The following WDR1 variants were observed in gnomAD, a reference collection of about 807,000 sequenced individuals.
WDR1 encodes WD repeat-containing protein 1.
WDR1 carries 21 observed loss-of-function variants against 71.9 expected under a neutral mutation model. The ratio of observed to expected loss-of-function variants is 0.29; its 90% CI spans 0.21 to 0.42. The LOEUF (loss-of-function observed/expected upper bound fraction) is 0.42, where lower values mean the gene tolerates loss of function less well. WDR1 is among the 10% of genes least tolerant of loss of function. WDR1 has a pLI of 1.00. For synonymous variants in WDR1, 424 were observed against 347.4 expected (o/e 1.22, Z -2.45); for missense variants, 696 against 824.5 (o/e 0.84, Z 1.91).
Position 10,088,346 on chromosome 4 carries a change from C to G in WDR1, c.664G>C (p.Glu222Gln), listed in dbSNP as rs775846868. Residue 222 changes from glutamate to glutamine, a missense_variant, in exon 7 of 15, where the codon GAG (glutamate) becomes CAG (glutamine). By Grantham distance (29) the Glu-to-Gln change is conservative. Transcript: ENST00000499869. ...CTTCCGCCCAGCGCGCACACCTTCT[C>G]CCCAGTCTTCCCGTCATAGATGTAT... ...QIYIYDGKTG[E>Q]KVCALGGSKA... 1 of 1,559,002 alleles carries G rather than the reference C, an allele frequency of 6.4e-7. No individual in the cohort carries two copies. The highest frequency in any genetic ancestry group is 2.4e-5 in the East Asian group (1 of 41,462).
chr4:10,092,899 C>T (rs1712090414), intron 5 of WDR1: 4 of 475,776 alleles, frequency 8.4e-6, no homozygotes, highest in Non-Finnish European at 1.5e-5. Context: ...AGTCCAGCCT[C>T]ATCCCTGGTG....
In WDR1 at chr4:10,088,518, GCT is replaced by G. The variant is rs568506353; in HGVS notation, c.636+144_636+145del. On this transcript the variant is annotated intron_variant, in intron 6 of 14. Coordinates refer to ENST00000499869, the MANE Select transcript of WDR1 (RefSeq NM_017491.5). ...TTAAAAGCAGACATGCATTTACTGG[GCT>G]CTGACGACGAGTCTGCAGATGTGGG... is the stretch of plus-strand genomic sequence containing the variant. The G allele has an allele frequency of 1.0e-3, 1,112 of 1,115,016 alleles. 1 individual carries two copies. Among genetic ancestry groups the G allele is most frequent in the Non-Finnish European group, 1.3e-3 (954 of 749,156 alleles). The allele number at this position is 1,115,016 out of a possible 1,614,324, so 69.1% of individuals were successfully genotyped here.
intron 9 of WDR1, 80 bp from the exon 10 acceptor site, chr4:10,083,258 A>C: frequency 1.4e-6 from 2 of 1,480,764 alleles, no homozygotes; most frequent in Non-Finnish European, 1.8e-6. Context: ...AAGATTCTCC[A>C]TTTACATCAA....
intron 8 of WDR1, among the ~76,000 whole-genome samples, chr4:10,085,724 G>A (rs896831792): frequency 1.3e-5 from 2 of 152,246 alleles, no homozygotes; most frequent in African/African-American, 2.4e-5. Context: ...TGTAAACTTA[G>A]TGCCTCTGGG....
At chr4:10,087,138 T>A (rs1039104170) in intron 8 of WDR1, among the ~76,000 whole-genome samples, 9 of 152,222 alleles carry the variant, frequency 5.9e-5, no homozygotes, top group African/African-American at 2.2e-4. Context: ...CTGGGACCCA[T>A]GGATGATTCT....
At chr4:10,083,555 T>C (rs1765096505) in intron 9 of WDR1, 2 of 473,646 alleles carry the variant, frequency 4.2e-6, no homozygotes, top group South Asian at 1.5e-5. Flanking sequence ...TCTCCCAGCC[T>C]GGGGGGACCT....
intron 5 of WDR1, chr4:10,093,206 C>A: frequency 8.1e-7 from 1 of 1,236,354 alleles, no homozygotes; most frequent in South Asian, 1.3e-5. Flanking sequence ...GGAGCCCACC[C>A]CATTCCCCCC....
intron 2 of WDR1, among the ~76,000 whole-genome samples, chr4:10,109,629 G>A (rs1436254602): frequency 2.0e-5 from 3 of 152,180 alleles, no homozygotes; most frequent in Non-Finnish European, 2.9e-5. Flanking sequence ...GGTACTCACC[G>A]TGTGGCCCTG....
rs752451012 is a variant in WDR1 at position 10,116,194 on chromosome 4, G to A, written c.57C>T (p.Val19=). 7 of 1,613,802 alleles carry A rather than the reference G, an allele frequency of 4.3e-6. No individual in the cohort carries two copies. Among genetic ancestry groups the A allele is most frequent in the East Asian group, 2.2e-5 (1 of 44,874 alleles). Residue 19 remains valine (V), a synonymous_variant, in exon 2 of 15, where the codon GTC becomes GTT. Coordinates refer to ENST00000499869, the MANE Select transcript of WDR1 (RefSeq NM_017491.5). ...FASLPQVERG[V]SKIIGGDPKG... is the part of the protein sequence containing the mutation. ...TAGGGTCGCCGCCGATGATCTTGGA[G>A]ACGCCCCTCTCCACCTGCGGGAGGC... is the stretch of plus-strand genomic sequence containing the variant.
intron 8 of WDR1, among the ~76,000 whole-genome samples, chr4:10,085,825 G>T (rs951243245): frequency 3.3e-5 from 5 of 152,222 alleles, no homozygotes; most frequent in African/African-American, 1.2e-4. Context: ...CTGCAGCCCA[G>T]ATCAGCACCG....
chr4:10,087,652 C>G (rs1711670934), intron 8 of WDR1, 55 bp downstream of exon 8: 1 of 1,492,646 alleles, frequency 6.7e-7, no homozygotes, highest in Non-Finnish European at 9.0e-7. Flanking sequence ...GCTGGCCACT[C>G]TGGTCTCTTC....
intron 5 of WDR1, among the ~76,000 whole-genome samples, chr4:10,095,097 G>A (rs899548972): frequency 6.6e-6 from 1 of 152,230 alleles, no homozygotes; most frequent in Non-Finnish European, 1.5e-5. Flanking sequence ...TGCAGAAGGC[G>A]CAGATGAAGA....
intron 5 of WDR1, chr4:10,092,826 C>G: frequency 2.8e-6 from 1 of 359,882 alleles, no homozygotes; most frequent in Non-Finnish European, 5.6e-6. Flanking sequence ...CTTCCTGAGG[C>G]TGCCCTCACC....
At chr4:10,115,024 G>A (rs1713623385) in intron 2 of WDR1, among the ~76,000 whole-genome samples, 1 of 152,220 alleles carries the variant, frequency 6.6e-6, no homozygotes, top group Admixed American at 6.5e-5. Flanking sequence ...TGGCCTCCTG[G>A]AGGGCAAGTG....
rs751055368 is a variant in WDR1, at chr4:10,116,223, C to G, written c.28G>C (p.Ala10Pro). Residue 10 changes from alanine to proline, a missense_variant, in exon 2 of 15, where the codon GCC becomes CCC. Transcript: ENST00000499869. ...CCCCTCTCCACCTGCGGGAGGCTGG[C>G]GAACACCTTCTCTGCGGAGACACAA... is the stretch of plus-strand genomic sequence containing the variant. MPYEIKKVFASLPQVERGVS... is the reference protein window; with the variant it reads MPYEIKKVFPSLPQVERGVS... 1.4e-5 allele frequency: 22 copies of G among 1,613,272 alleles called. No homozygotes were observed. The highest frequency in any genetic ancestry group is 1.8e-5 in the Non-Finnish European group (21 of 1,179,786).
At chr4:10,082,158 G>C (rs1321988431) in intron 10 of WDR1, among the ~76,000 whole-genome samples, 1 of 152,190 alleles carries the variant, frequency 6.6e-6, no homozygotes, top group Non-Finnish European at 1.5e-5. Flanking sequence ...CCTGGGCTCT[G>C]GGGCCGCTTC....
chr4:10,078,147 C>G (rs1764872883), intron 12 of WDR1, among the ~76,000 whole-genome samples: 2 of 152,218 alleles, frequency 1.3e-5, no homozygotes, highest in African/African-American at 4.8e-5. Flanking sequence ...CACCGCTGGT[C>G]TCATGAGGCC....
Position 10,086,307 on chromosome 4 carries a change from C to T in WDR1, c.951+1400G>A, listed in dbSNP as rs564560816. 1.1e-4 allele frequency among the ~76,000 whole-genome samples: 17 copies of T among 152,282 alleles called. No homozygotes were observed. The South Asian group carries it at 2.1e-3, about 19-fold the overall frequency. ...CTGGGCTGTGAGCCCAGCAAGGAGG[C>T]GCTCCCGATTCCCCTCTATCCTCGA... On this transcript the variant is annotated intron_variant, in intron 8 of 14. Coordinates refer to ENST00000499869, the MANE Select transcript of WDR1 (RefSeq NM_017491.5).
In WDR1 at chr4:10,116,173, G is replaced by A. The variant is rs967504350; in HGVS notation, c.78C>T (p.Asp26=). 4 of 1,613,534 alleles carry A rather than the reference G, an allele frequency of 2.5e-6. No individual in the cohort carries two copies. Among genetic ancestry groups the A allele is most frequent in the African/African-American group, 2.7e-5 (2 of 75,054 alleles). Residue 26 remains aspartate, a synonymous_variant, in exon 2 of 15, where the codon GAC becomes GAT. Coordinates refer to ENST00000499869, the MANE Select transcript of WDR1 (RefSeq NM_017491.5). ...ERGVSKIIGG[D]PKGNNFLYTN... Reference sequence around the variant, plus strand: ...TGTACAGAAAATTGTTGCCCTTAGGGTCGCCGCCGATGATCTTGGAGACGC... The same window carrying A: ...TGTACAGAAAATTGTTGCCCTTAGGATCGCCGCCGATGATCTTGGAGACGC...
Sources: gnomAD v4.1 joint callset for allele counts (sites outside exome capture counted in the v4.1 genomes callset) on GRCh38, gnomAD v4.1.1 for gene constraint, MANE v1.5 for transcripts, NCBI Gene and HGNC (gene_info 2026-07-23, HGNC 2026-07-21) for gene names.